Variants in AEBP2 observed in about 807,000 individuals in gnomAD.
The protein encoded by AEBP2 is zinc finger protein AEBP2.
Under a neutral mutation model 50.8 loss-of-function variants are expected in AEBP2, and 10 were observed. That is an observed-to-expected ratio of 0.20 (90% CI 0.12 to 0.33). AEBP2 has a LOEUF of 0.33. AEBP2 is among the 10% of genes least tolerant of loss of function. The pLI, the probability that AEBP2 is intolerant of heterozygous loss-of-function variation, is 1.00. For missense variants in AEBP2, 570 were observed against 688.0 expected, an observed-to-expected ratio of 0.83 and a Z score of 1.92; for synonymous variants, 296 against 261.3, an observed-to-expected ratio of 1.13 and a Z score of -1.28.
intron 5 of AEBP2, among the ~76,000 whole-genome samples, chr12:19,506,072 G>A (rs890131453): frequency 8.2e-4 from 125 of 151,616 alleles, no homozygotes; most frequent in Non-Finnish European, 3.7e-4. Context: ...GTGAGCCACC[G>A]TGCCTGGCCT....
Position 19,500,052 on chromosome 12 carries a change from G to A in AEBP2, c.1175-45G>A, listed in dbSNP as rs773581851. The A allele has an allele frequency of 2.0e-5, 30 of 1,511,934 alleles. No individual in the cohort carries two copies. The South Asian group carries it at 3.7e-4, about 19-fold the overall frequency. The allele number at this position is 1,511,934 out of a possible 1,614,324, so 93.7% of individuals were successfully genotyped here. ...GTTTCCATCTTTATTACTTATTACTGTTATGTTTTTCTAAATATTCTTTAC... is the reference window on the plus strand; with the variant it reads ...GTTTCCATCTTTATTACTTATTACTATTATGTTTTTCTAAATATTCTTTAC... On this transcript the variant is annotated intron_variant, in intron 4 of 7. Coordinates refer to ENST00000266508, the MANE Select transcript of AEBP2 (RefSeq NM_153207.5).
At chr12:19,446,973 A>G (rs1246873699) in intron 1 of AEBP2, among the ~76,000 whole-genome samples, 2 of 152,154 alleles carry the variant, frequency 1.3e-5, no homozygotes, top group African/African-American at 4.8e-5. Flanking sequence ...AACGTGTTGT[A>G]TAGTTAGTGA....
intron 3 of AEBP2, among the ~76,000 whole-genome samples, chr12:19,493,243 A>C (rs974486162): frequency 1.3e-5 from 2 of 152,116 alleles, no homozygotes; most frequent in Admixed American, 1.3e-4. Context: ...CTCTACTAAA[A>C]ATACAAAATT....
rs1340745849 is a variant in AEBP2 at position 19,440,003 on chromosome 12, G to A, written c.304G>A (p.Asp102Asn). 1.3e-6 allele frequency: 2 copies of A among 1,525,478 alleles called. No individual in the cohort carries two copies. Among genetic ancestry groups the A allele is most frequent in the South Asian group, 1.2e-5 (1 of 83,644 alleles). The allele number at this position is 1,525,478 out of a possible 1,614,324, so 94.5% of individuals were successfully genotyped here. A position where few individuals can be genotyped will look rare whatever the true frequency, so the allele number is the denominator to read the frequency against. ...QAGEDEDEEEDDEEEEDESSS... is the reference protein window; with the variant it reads ...QAGEDEDEEENDEEEEDESSS... ...CGGGGAGGACGAAGACGAGGAGGAGGACGACGAGGAGGAGGAAGATGAGAG... is the reference window on the plus strand; with the variant it reads ...CGGGGAGGACGAAGACGAGGAGGAGAACGACGAGGAGGAGGAAGATGAGAG... The change falls in exon 1 of 8, where the codon GAC becomes AAC. Residue 102 changes from aspartate to asparagine, a missense_variant. Physicochemically the swap from Asp to Asn is conservative, Grantham distance 23 (BLOSUM62 1). Around this residue, in one of 2 missense-constraint regions of AEBP2, gnomAD observed 386 missense variants for 336.8 expected, o/e 1.15. Coordinates refer to ENST00000266508, the MANE Select transcript of AEBP2 (RefSeq NM_153207.5).
At chr12:19,515,783 G>A (rs1949308461) in intron 7 of AEBP2, among the ~76,000 whole-genome samples, 1 of 152,260 alleles carries the variant, frequency 6.6e-6, no homozygotes, top group Admixed American at 6.5e-5. Flanking sequence ...CTATGTAGAA[G>A]CATAGTTTTC....
At chr12:19,489,337 G>A (rs1948861355) in intron 3 of AEBP2, among the ~76,000 whole-genome samples, 1 of 152,048 alleles carries the variant, frequency 6.6e-6, no homozygotes, top group African/African-American at 2.4e-5. Flanking sequence ...GAGTGCAGGG[G>A]AACCTGCCAT....
Position 19,494,070 on chromosome 12 carries a change from C to T in AEBP2, c.1174+84C>T, listed in dbSNP as rs555102105. 63 of 1,382,336 alleles carry T rather than the reference C, an allele frequency of 4.6e-5. No homozygotes were observed. The African/African-American group carries it at 8.3e-4, about 18-fold the overall frequency. The allele number at this position is 1,382,336 out of a possible 1,614,324, so 85.6% of individuals were successfully genotyped here. A position where few individuals can be genotyped will look rare whatever the true frequency, so the allele number is the denominator to read the frequency against. ...TTTTATGCAAATCCACTTTGAACTTCAACTCCTCTTCTATTAAAAGTAACA... is the reference window on the plus strand; with the variant it reads ...TTTTATGCAAATCCACTTTGAACTTTAACTCCTCTTCTATTAAAAGTAACA... On this transcript the variant is annotated intron_variant, in intron 4 of 7. Transcript: ENST00000266508.
chr12:19,440,739 C>G (rs181550300), intron 1 of AEBP2: 3 of 1,533,542 alleles, frequency 2.0e-6, no homozygotes. Context: ...TTAGCTTCTT[C>G]CAACCGTGTT....
chr12:19,456,943 G>A, intron 1 of AEBP2: 2 of 1,485,410 alleles, frequency 1.3e-6, no homozygotes, highest in African/African-American at 1.4e-5. Context: ...GTAGTCCAGA[G>A]CCTCAAGCAG....
intron 1 of AEBP2, chr12:19,440,697 G>A (rs1592715566): frequency 6.5e-7 from 1 of 1,533,442 alleles, no homozygotes; most frequent in African/African-American, 1.4e-5. Flanking sequence ...GAGCAGAAGA[G>A]GGCCTTGATG....
chr12:19,428,894 G>A (rs1028375029), intron 1 of AEBP2, among the ~76,000 whole-genome samples: 3 of 151,938 alleles, frequency 2.0e-5, no homozygotes, highest in East Asian at 1.9e-4. Flanking sequence ...ATTCCAGCAC[G>A]TTGGGAGGCC....
intron 5 of AEBP2, among the ~76,000 whole-genome samples, chr12:19,503,153 G>A (rs182353178): frequency 8.7e-4 from 133 of 152,262 alleles, no homozygotes; most frequent in African/African-American, 3.0e-3. Flanking sequence ...GATAGGAATA[G>A]CATTGAATCT....
At chr12:19,493,362 C>T (rs1453854729) in intron 3 of AEBP2, among the ~76,000 whole-genome samples, 2 of 152,312 alleles carry the variant, frequency 1.3e-5, no homozygotes, top group African/African-American at 2.4e-5. Context: ...GATCACACCA[C>T]TGCATCCCAG....
intron 1 of AEBP2, among the ~76,000 whole-genome samples, chr12:19,411,850 T>G (rs1180249001): frequency 6.6e-6 from 1 of 152,194 alleles, no homozygotes; most frequent in Non-Finnish European, 1.5e-5. Context: ...CTCTAAAAAT[T>G]ATTGCGCACA....
intron 3 of AEBP2, among the ~76,000 whole-genome samples, chr12:19,480,017 T>C (rs1948704522): frequency 6.6e-6 from 1 of 152,148 alleles, no homozygotes; most frequent in South Asian, 2.1e-4. Context: ...GTATTCATCA[T>C]GCTTGTTGTT....
chr12:19,453,920 C>G (rs1436255260), intron 1 of AEBP2, among the ~76,000 whole-genome samples: 4 of 152,094 alleles, frequency 2.6e-5, no homozygotes, highest in Non-Finnish European at 4.4e-5. Context: ...CCCTCGGCCT[C>G]CCAAAGTGCT....
intron 1 of AEBP2, among the ~76,000 whole-genome samples, chr12:19,414,124 C>T (rs886662203): frequency 9.9e-5 from 15 of 152,018 alleles, no homozygotes; most frequent in Admixed American, 3.9e-4. Flanking sequence ...GAACTCCTGA[C>T]CTCGTGATCC....
chr12:19,424,420 G>A (rs1224653970), intron 1 of AEBP2, among the ~76,000 whole-genome samples: 2 of 150,868 alleles, frequency 1.3e-5, no homozygotes, highest in Non-Finnish European at 1.5e-5. Context: ...TTTTTGAGAC[G>A]GAGTCTTGCT....
At chr12:19,445,834 C>T (rs1487767051) in intron 1 of AEBP2, 1 of 152,110 alleles carries the variant, frequency 6.6e-6, no homozygotes, top group African/African-American at 2.4e-5. Context: ...TCATATGAAA[C>T]CTTTCATTTT....
Sources: gnomAD v4.1 joint callset for allele counts (sites outside exome capture counted in the v4.1 genomes callset) on GRCh38, gnomAD v4.1.1 for gene constraint, gnomAD v4.1.1 regional missense constraint, MANE v1.5 for transcripts, NCBI Gene and HGNC (gene_info 2026-07-23, HGNC 2026-07-21) for gene names.